Variants in GEMIN5 observed in about 807,000 individuals in gnomAD.
The protein encoded by GEMIN5 is gem-associated protein 5.
GEMIN5 carries 124 observed loss-of-function variants against 176.9 expected under a neutral mutation model. The observed-to-expected ratio is 0.70, with a 90% CI of 0.61 to 0.81. The LOEUF is 0.81. Ranked by LOEUF, GEMIN5 falls within the 40% of genes least tolerant of loss-of-function variation. GEMIN5 has a pLI of 0.00. For missense variants in GEMIN5, 1,843 were observed against 1,814.6 expected, an observed-to-expected ratio of 1.02 and a Z score of -0.28; for synonymous variants, 673 against 665.2, an observed-to-expected ratio of 1.01 and a Z score of -0.18.
intron 24 of GEMIN5, among the ~76,000 whole-genome samples, chr5:154,894,502 G>A (rs1226325800): frequency 6.6e-6 from 1 of 152,044 alleles, no homozygotes; most frequent in Non-Finnish European, 1.5e-5. Context: ...CAGGCGTGAT[G>A]GCTCACACTT....
intron 15 of GEMIN5, among the ~76,000 whole-genome samples, chr5:154,908,803 C>G (rs1763628550): frequency 6.6e-6 from 1 of 152,160 alleles, no homozygotes; most frequent in African/African-American, 2.4e-5. Context: ...CTTTGATCAC[C>G]TGATTAAGGG....
chr5:154,899,755 T>C (rs1763428261), intron 21 of GEMIN5, among the ~76,000 whole-genome samples: 1 of 152,150 alleles, frequency 6.6e-6, no homozygotes, highest in Non-Finnish European at 1.5e-5. Context: ...CAGTAAAAAT[T>C]ACAAATTTTA....
At chr5:154,897,251 G>A (rs1331385636) in intron 23 of GEMIN5, among the ~76,000 whole-genome samples, 1 of 152,092 alleles carries the variant, frequency 6.6e-6, no homozygotes, top group African/African-American at 2.4e-5. Flanking sequence ...TAAATATTCA[G>A]CTAAAAACCA....
Position 154,917,920 on chromosome 5 carries a change from C to G in GEMIN5, c.1673+11G>C. 6.3e-7 allele frequency: 1 copy of G among 1,577,992 alleles called. No homozygotes were observed. The highest frequency in any genetic ancestry group is 8.7e-7 in the Non-Finnish European group (1 of 1,147,378). On this transcript the variant is annotated intron_variant, in intron 12 of 27. Coordinates refer to ENST00000285873, the MANE Select transcript of GEMIN5 (RefSeq NM_015465.5). ...TTGCAAATTTTTTATCTTAAAGAAGCAAATACATACCCATCTTCATTGCCA... is the reference window on the plus strand; with the variant it reads ...TTGCAAATTTTTTATCTTAAAGAAGGAAATACATACCCATCTTCATTGCCA...
At position 154,896,350 on chromosome 5, in the gene GEMIN5, C is replaced by T; in HGVS notation, c.3346-7G>A. 1 of 1,559,758 alleles carries T rather than the reference C, an allele frequency of 6.4e-7. No individual in the cohort carries two copies. The highest frequency in any genetic ancestry group is 8.6e-7 in the Non-Finnish European group (1 of 1,156,500). On this transcript the variant is annotated splice_polypyrimidine_tract_variant and splice_region_variant and intron_variant, in intron 23 of 27. Transcript: ENST00000285873. ...AAAACACCAATCTCTGACCCTGGAA[C>T]ACGACAACAAGGAAGAGGAACTGTT...
At chr5:154,935,536 G>C (rs566809263) in intron 3 of GEMIN5, among the ~76,000 whole-genome samples, 1 of 152,316 alleles carries the variant, frequency 6.6e-6, no homozygotes, top group Non-Finnish European at 1.5e-5. Context: ...AGTTCATGTT[G>C]TATCAACGGG....
intron 21 of GEMIN5, among the ~76,000 whole-genome samples, 180 bp from the exon 22 acceptor site, chr5:154,899,490 C>T (rs1405488883): frequency 6.6e-6 from 1 of 152,184 alleles, no homozygotes; most frequent in Non-Finnish European, 1.5e-5. Context: ...TTCGTTTCTT[C>T]ACTTAGATCA....
intron 3 of GEMIN5, among the ~76,000 whole-genome samples, chr5:154,935,172 T>C (rs1442453072): frequency 2.0e-5 from 3 of 152,256 alleles, no homozygotes; most frequent in Admixed American, 2.0e-4. Flanking sequence ...TGACCCCATC[T>C]ATCCCCTCTG....
At chr5:154,934,438 A>C (rs984439982) in intron 3 of GEMIN5, among the ~76,000 whole-genome samples, 1 of 152,054 alleles carries the variant, frequency 6.6e-6, no homozygotes, top group Admixed American at 6.6e-5. Flanking sequence ...CGGCCTCTCA[A>C]AGTGCTGGGA....
chr5:154,917,282 T>G (rs1447352629), intron 12 of GEMIN5, 103 bp from the exon 13 acceptor site: 1 of 547,854 alleles, frequency 1.8e-6, no homozygotes. Flanking sequence ...AAAGATGAGG[T>G]GGAAAAGGAT....
At chr5:154,929,176 A>T (rs184233612) in intron 5 of GEMIN5, among the ~76,000 whole-genome samples, 66 of 152,284 alleles carry the variant, frequency 4.3e-4, no homozygotes, top group Admixed American at 9.1e-4. Context: ...GTGAGCTGAG[A>T]TCGTGCCACT....
intron 11 of GEMIN5, among the ~76,000 whole-genome samples, chr5:154,918,303 G>A (rs922391985): frequency 1.3e-5 from 2 of 152,090 alleles, no homozygotes; most frequent in Non-Finnish European, 2.9e-5. Context: ...CCATCAGCTT[G>A]GACAATGTGG....
chr5:154,927,630 A>G, intron 6 of GEMIN5, 80 bp from the exon 7 acceptor site: 1 of 1,023,836 alleles, frequency 9.8e-7, no homozygotes, highest in Admixed American at 2.3e-5. Context: ...GTCTGGGCTC[A>G]TAGCTGCAAA....
In GEMIN5 at chr5:154,899,293, G is replaced by A. The variant is rs776259780; in HGVS notation, c.3032C>T (p.Ala1011Val). 3 of 1,611,006 alleles carry A rather than the reference G, an allele frequency of 1.9e-6. No individual in the cohort carries two copies. Among genetic ancestry groups the A allele is most frequent in the Non-Finnish European group, 8.5e-7 (1 of 1,178,636 alleles). ...NHFYREAIAI[A>V]KARLRPEDPV... ...GTCCTCCGGGCGCAGCCGGGCCTTG[G>A]CAATCGCAATAGCTTCCCTAAAGGC... Residue 1011 changes from alanine (A) to valine (V), a missense_variant, in exon 22 of 28, where the codon GCC becomes GTC. Physicochemically the swap from Ala to Val is moderately conservative, Grantham distance 64 (BLOSUM62 0). Transcript: ENST00000285873.
rs1764096392 is a variant in GEMIN5, at chr5:154,928,653, A to T, written c.788T>A (p.Met263Lys). ...CTTCAGAAAGGGCAATTTCAAAATC[A>T]TCACCCCTGCAGATTAAAAAGAAGG... ...IWSCSRGRGV[M>K]ILKLPFLKRR... The change falls in exon 6 of 28, where the codon ATG (methionine) becomes AAG (lysine). Residue 263 changes from methionine to lysine, a missense_variant. Physicochemically the swap from Met to Lys is moderately conservative, Grantham distance 95 (BLOSUM62 -1). Coordinates refer to ENST00000285873, the MANE Select transcript of GEMIN5 (RefSeq NM_015465.5). The T allele has an allele frequency of 6.2e-7, 1 of 1,613,988 alleles. No individual in the cohort carries two copies. The highest frequency in any genetic ancestry group is 8.5e-7 in the Non-Finnish European group (1 of 1,179,902).
Position 154,938,079 on chromosome 5 carries a change from AGCGGG to A in GEMIN5, c.50_54del (p.Ala17ValfsTer112). The A allele has an allele frequency of 6.6e-7, 1 of 1,513,666 alleles. No homozygotes were observed. Among genetic ancestry groups the A allele is most frequent in the Non-Finnish European group, 8.8e-7 (1 of 1,134,822 alleles). The allele number at this position is 1,513,666 out of a possible 1,614,324, so 93.8% of individuals were successfully genotyped here. On this transcript the variant is annotated frameshift_variant, in exon 1 of 28. Coordinates refer to ENST00000285873, the MANE Select transcript of GEMIN5 (RefSeq NM_015465.5). LOFTEE classifies it high-confidence loss of function. Reference sequence around the variant, plus strand: ...AGGCCCCCGGGCACGGCATCGCTGCAGCGGGCGCAGTACCAGTTGGGGGAGGGCGG... The same window carrying A: ...AGGCCCCCGGGCACGGCATCGCTGCACGCAGTACCAGTTGGGGGAGGGCGG...
chr5:154,931,616 A>G, intron 4 of GEMIN5, 39 bp from the exon 5 acceptor site: 1 of 1,540,606 alleles, frequency 6.5e-7, no homozygotes, highest in Non-Finnish European at 8.9e-7. Context: ...AATTTACATT[A>G]AACACGCACT....
Position 154,920,573 on chromosome 5 carries a change from A to C in GEMIN5, c.1463-470T>G, listed in dbSNP as rs772479502. 2.6e-5 allele frequency among the ~76,000 whole-genome samples: 4 copies of C among 152,346 alleles called. No individual in the cohort carries two copies. In the East Asian group the frequency reaches 7.7e-4, roughly 29 times the overall value. ...ATCTTCTTGTTAATTTTTAAGAAGC[A>C]AACAGTAATTCTGGTGGGTTTCTAT... On this transcript the variant is annotated intron_variant, in intron 10 of 27. Transcript: ENST00000285873.
chr5:154,919,951 GACC>G lies in GEMIN5; in HGVS notation c.1599+13_1599+15del, dbSNP rs772274773. Reference sequence around the variant, plus strand: ...GTGATGTAAAAAGAAAATACTTCAGGACCACAAGAACTCACTTTGATTGAATTG... The same window carrying G: ...GTGATGTAAAAAGAAAATACTTCAGGACAAGAACTCACTTTGATTGAATTG... On this transcript the variant is annotated intron_variant, in intron 11 of 27. Coordinates refer to ENST00000285873, the MANE Select transcript of GEMIN5 (RefSeq NM_015465.5). The G allele has an allele frequency of 1.2e-6, 2 of 1,610,264 alleles. No individual in the cohort carries two copies. The highest frequency in any genetic ancestry group is 1.7e-6 in the Non-Finnish European group (2 of 1,178,182).
Sources: allele counts gnomAD v4.1 joint callset (sites outside exome capture counted in the v4.1 genomes callset), GRCh38; gene constraint gnomAD v4.1.1; transcripts MANE v1.5; gene names NCBI Gene and HGNC (gene_info 2026-07-23, HGNC 2026-07-21).